The following SAG variants were observed in gnomAD, a reference collection of about 807,000 sequenced individuals.
SAG encodes S-antigen visual arrestin, also known as S-arrestin.
In SAG, 45 loss-of-function variants were observed where a neutral mutation model predicts 55.0. The observed-to-expected ratio is 0.82, with a 90% confidence interval of 0.64 to 1.05. SAG has a LOEUF of 1.05. Among genes scored for constraint, SAG ranks in the 50% least tolerant of loss-of-function variants. The pLI, the probability that SAG is intolerant of heterozygous loss-of-function variation, is 0.00. For synonymous variants in SAG, 189 were observed against 197.4 expected, an observed-to-expected ratio of 0.96 and a Z score of 0.36; for missense variants, 455 against 512.1, an observed-to-expected ratio of 0.89 and a Z score of 1.08.
chr2:233,330,875 G>C (rs1024239281), intron 9 of SAG, among the ~76,000 whole-genome samples: 1 of 152,038 alleles, frequency 6.6e-6, no homozygotes, highest in Non-Finnish European at 1.5e-5. Flanking sequence ...GCTTTCTATA[G>C]GCTGGGCACT....
intron 3 of SAG, among the ~76,000 whole-genome samples, chr2:233,316,376 A>G (rs1379821962): frequency 6.6e-6 from 1 of 151,642 alleles, no homozygotes; most frequent in Non-Finnish European, 1.5e-5. Context: ...CAGTGGCATG[A>G]TCTTGGCTCA....
Position 233,329,579 on chromosome 2 carries a change from T to G in SAG, c.733+2T>G. 1 of 1,595,346 alleles carries G rather than the reference T, an allele frequency of 6.3e-7. No homozygotes were observed. The highest frequency in any genetic ancestry group is 8.6e-7 in the Non-Finnish European group (1 of 1,163,120). On this transcript the variant is annotated splice_donor_variant, in intron 9 of 15. Coordinates refer to ENST00000409110, the MANE Select transcript of SAG (RefSeq NM_000541.5). LOFTEE classifies it high-confidence loss of function. ...CCGTGAAGAAGATTAAAGCATTCGG[T>G]AGGACCTTCTTCTCAGAAGTAGAGG...
intron 8 of SAG, 190 bp from the exon 9 acceptor site, chr2:233,329,303 G>C (rs947331362): frequency 3.6e-6 from 2 of 554,574 alleles, no homozygotes; most frequent in Non-Finnish European, 6.5e-6. Context: ...CCCCTCCCCA[G>C]CTTCCCACAG....
At chr2:233,329,712 G>A (rs1700686978) in intron 9 of SAG, 135 bp downstream of exon 9, 5 of 644,818 alleles carry the variant, frequency 7.8e-6, no homozygotes, top group Non-Finnish European at 1.4e-5. Context: ...GCTGTCATAG[G>A]CAGCAGGACT....
At chr2:233,324,947 A>T (rs60722254) in intron 6 of SAG, among the ~76,000 whole-genome samples, 11,203 of 152,084 alleles carry the variant, frequency 0.074, 509 homozygotes, top group Admixed American at 0.11. Flanking sequence ...TAGAACAGAC[A>T]GGGTGCGGTG....
chr2:233,324,511 T>C (rs1409810617), intron 6 of SAG, among the ~76,000 whole-genome samples: 1 of 152,128 alleles, frequency 6.6e-6, no homozygotes, highest in Non-Finnish European at 1.5e-5. Flanking sequence ...TTTGCCTGAA[T>C]GAGATGGGAG....
chr2:233,320,069 G>A (rs1700332687), intron 4 of SAG: 3 of 792,656 alleles, frequency 3.8e-6, no homozygotes, highest in Non-Finnish European at 4.6e-6. Context: ...TTTAGAGAAT[G>A]CTCAGTATGT....
intron 11 of SAG, among the ~76,000 whole-genome samples, chr2:233,335,862 A>G (rs1700909290): frequency 6.6e-6 from 1 of 152,148 alleles, no homozygotes; most frequent in African/African-American, 2.4e-5. Flanking sequence ...CCCATGTGAT[A>G]TGCTGGGGGT....
At chr2:233,328,076 T>C (rs72978311) in intron 7 of SAG, 10,729 of 162,702 alleles carry the variant, frequency 0.066, 438 homozygotes, top group South Asian at 0.1. Context: ...TTGTGCCCCA[T>C]GTACACATCT....
chr2:233,311,463 T>C lies in SAG; in HGVS notation c.75+2199T>C, dbSNP rs560561438. 3.9e-5 allele frequency among the ~76,000 whole-genome samples: 6 copies of C among 152,272 alleles called. No homozygotes were observed. The South Asian group carries it at 1.0e-3, about 26-fold the overall frequency. ...GTAAACCAATCCCAAGCCAGAAGAATTAGATGATCGTAGTGAATCAGGCCA... is the reference window on the plus strand; with the variant it reads ...GTAAACCAATCCCAAGCCAGAAGAACTAGATGATCGTAGTGAATCAGGCCA... On this transcript the variant is annotated intron_variant, in intron 2 of 15. Transcript: ENST00000409110.
intron 4 of SAG, 77 bp from the exon 5 acceptor site, chr2:233,320,552 GT>G: frequency 8.5e-7 from 1 of 1,177,336 alleles, no homozygotes; most frequent in Non-Finnish European, 1.2e-6. Context: ...GAAAACCCGT[GT>G]TCGCTGCCCA....
intron 6 of SAG, among the ~76,000 whole-genome samples, chr2:233,324,160 G>A (rs1434768423): frequency 6.6e-6 from 1 of 152,188 alleles, no homozygotes. Flanking sequence ...ACTTTGGGAG[G>A]CTGAGGTGGG....
Position 233,340,497 on chromosome 2 carries a change from C to T in SAG, c.1046+19C>T. 6.2e-7 allele frequency: 1 copy of T among 1,603,660 alleles called. No individual in the cohort carries two copies. The highest frequency in any genetic ancestry group is 8.5e-7 in the Non-Finnish European group (1 of 1,173,070). ...CCTCCAGGTAAGCCTGTTCACCTTC[C>T]TTGTTTGATTGTTTCTCAAGATATC... On this transcript the variant is annotated intron_variant, in intron 13 of 15. Coordinates refer to ENST00000409110, the MANE Select transcript of SAG (RefSeq NM_000541.5). This position sits in a 1 kb window ranked among gnomAD's most constrained non-coding sequence, Gnocchi z 4.2.
At chr2:233,328,801 CT>C in intron 8 of SAG, 188 bp downstream of exon 8, 1 of 599,520 alleles carries the variant, frequency 1.7e-6, no homozygotes, top group Non-Finnish European at 2.8e-6. Context: ...CAGCATGGTC[CT>C]TAGAGGAGGA....
intron 6 of SAG, among the ~76,000 whole-genome samples, chr2:233,325,248 T>G (rs533022029): frequency 6.6e-6 from 1 of 150,616 alleles, no homozygotes; most frequent in South Asian, 2.1e-4. Flanking sequence ...GTGTGCTACT[T>G]GGGAGGCTGA....
chr2:233,339,254 C>T (rs886970390), intron 12 of SAG, among the ~76,000 whole-genome samples: 1 of 152,164 alleles, frequency 6.6e-6, no homozygotes, highest in Admixed American at 6.5e-5. Flanking sequence ...AACAGGTTTC[C>T]ACTTTCATTT....
Position 233,319,931 on chromosome 2 carries a change from G to A in SAG, c.182-699G>A. ...CGCACTTGGCGGGGCCGCCTCTCGT[G>A]CTTTATATTTGAGAAATATGTGCTT... is the stretch of plus-strand genomic sequence containing the variant. On this transcript the variant is annotated intron_variant, in intron 4 of 15. Transcript: ENST00000409110. The surrounding 1 kb of genome is among the most constrained non-coding windows in gnomAD (Gnocchi z 4.4). 1 of 985,576 alleles carries A rather than the reference G, an allele frequency of 1.0e-6. No individual in the cohort carries two copies. The highest frequency in any genetic ancestry group is 1.2e-6 in the Non-Finnish European group (1 of 829,950). 61.1% of individuals were successfully genotyped at this position (985,576 alleles called of 1,614,324 possible).
chr2:233,327,219 A>G (rs1320663207), intron 7 of SAG, 22 bp downstream of exon 7: 2 of 1,598,176 alleles, frequency 1.3e-6, no homozygotes, highest in Non-Finnish European at 1.7e-6. Flanking sequence ...GTTGCGGAAT[A>G]GGTGAGGGGT....
intron 7 of SAG, chr2:233,328,133 A>G: frequency 4.5e-6 from 1 of 220,498 alleles, no homozygotes. Context: ...TCGCATGTAT[A>G]TGGCAGCTAT....
Sources: allele counts gnomAD v4.1 joint callset (sites outside exome capture counted in the v4.1 genomes callset), GRCh38; gene constraint gnomAD v4.1.1; non-coding constraint Gnocchi (gnomAD v3.1); transcripts MANE v1.5; gene names NCBI Gene and HGNC (gene_info 2026-07-23, HGNC 2026-07-21).